AGMO: variants seen among roughly 807,000 people sequenced by gnomAD.
AGMO encodes glyceryl-ether monooxygenase.
In AGMO, 75 loss-of-function variants were observed where a neutral mutation model predicts 60.2. The ratio of observed to expected loss-of-function variants is 1.25; its 90% confidence interval spans 1.03 to 1.51. AGMO has a LOEUF of 1.51. AGMO is among the 40% of genes most tolerant of loss of function. The pLI, the probability that AGMO is intolerant of heterozygous loss-of-function variation, is 0.00. For missense variants in AGMO, 763 were observed against 525.5 expected (o/e 1.45, Z -4.42); for synonymous variants, 261 against 177.1 (o/e 1.47, Z -3.76).
chr7:15,431,522 G>A (rs565286427), intron 3 of AGMO, among the ~76,000 whole-genome samples: 2 of 151,884 alleles, frequency 1.3e-5, no homozygotes, highest in East Asian at 3.9e-4. Flanking sequence ...AAAATTGTCT[G>A]ATGGGAGAAA....
chr7:15,461,624 G>T (rs1345548880), intron 3 of AGMO, among the ~76,000 whole-genome samples: 1 of 152,040 alleles, frequency 6.6e-6, no homozygotes, highest in Non-Finnish European at 1.5e-5. Context: ...CCGATCTGCT[G>T]GTCTCTCTAG....
chr7:15,394,274 G>A, intron 5 of AGMO, 95 bp from the exon 6 acceptor site: 1 of 966,714 alleles, frequency 1.0e-6, no homozygotes, highest in Non-Finnish European at 1.6e-6. Context: ...TAAATTAAGA[G>A]ATATTGCGAA....
chr7:15,387,289 T>A (rs1192446402), intron 9 of AGMO, 117 bp downstream of exon 9: 26 of 1,227,760 alleles, frequency 2.1e-5, no homozygotes, highest in Non-Finnish European at 3.0e-5. Flanking sequence ...GGACTGCATC[T>A]GACTGGGGGA....
chr7:15,351,555 C>T (rs1420095932), intron 12 of AGMO, among the ~76,000 whole-genome samples: 4 of 152,180 alleles, frequency 2.6e-5, no homozygotes, highest in African/African-American at 4.8e-5. Context: ...ATATCATGTG[C>T]GTATCATGTA....
At chr7:15,186,074 T>C in the AGMO span, among the ~76,000 whole-genome samples, 1 of 152,284 alleles carries the variant, frequency 6.6e-6, no homozygotes, top group African/African-American at 2.4e-5. Context: ...ACATAAATAT[T>C]CTTGTCACTC....
intron 12 of AGMO, among the ~76,000 whole-genome samples, chr7:15,239,313 T>G (rs1428879847): frequency 1.3e-5 from 2 of 152,134 alleles, no homozygotes; most frequent in Non-Finnish European, 2.9e-5. Flanking sequence ...GCAAAGGATT[T>G]AAAACTTAGG....
intron 3 of AGMO, among the ~76,000 whole-genome samples, chr7:15,499,608 A>G (rs1032380321): frequency 1.3e-5 from 2 of 151,782 alleles, no homozygotes; most frequent in African/African-American, 4.8e-5. Flanking sequence ...AAAACCACAT[A>G]TTCATTTCCC....
chr7:15,288,777 G>C (rs11769107), intron 12 of AGMO, among the ~76,000 whole-genome samples: 1 of 141,622 alleles, frequency 7.1e-6, no homozygotes, highest in African/African-American at 2.6e-5. Context: ...AAAAAAAAAA[G>C]AAAGAAAAAC....
chr7:15,137,038 G>A, the AGMO span, among the ~76,000 whole-genome samples: 1 of 152,170 alleles, frequency 6.6e-6, no homozygotes, highest in Non-Finnish European at 1.5e-5. Flanking sequence ...AGATTCTCTG[G>A]TTTTGCATGT....
chr7:15,535,625 A>G (rs1464894792), intron 3 of AGMO, among the ~76,000 whole-genome samples: 1 of 151,840 alleles, frequency 6.6e-6, no homozygotes. Flanking sequence ...TAAGCACCCA[A>G]AGGGTAACAA....
At chr7:15,154,042 G>C in the AGMO span, among the ~76,000 whole-genome samples, 3 of 152,134 alleles carry the variant, frequency 2.0e-5, no homozygotes, top group Admixed American at 2.0e-4. Flanking sequence ...AATCAAACAA[G>C]AGAAATAAAT....
At chr7:15,547,685 A>G (rs1036337187) in intron 2 of AGMO, among the ~76,000 whole-genome samples, 8 of 151,966 alleles carry the variant, frequency 5.3e-5, no homozygotes, top group Non-Finnish European at 1.0e-4. Flanking sequence ...AGTCTCGCTG[A>G]TTGCTAGCAC....
chr7:15,389,968 G>C (rs1784071319), intron 8 of AGMO, among the ~76,000 whole-genome samples: 1 of 152,116 alleles, frequency 6.6e-6, no homozygotes, highest in South Asian at 2.1e-4. Flanking sequence ...ACCGAATGTT[G>C]TAACCAGTCC....
chr7:15,534,376 T>A (rs958215905), intron 3 of AGMO, among the ~76,000 whole-genome samples: 1 of 152,018 alleles, frequency 6.6e-6, no homozygotes, highest in Non-Finnish European at 1.5e-5. Context: ...AAAAAGGGAA[T>A]ACGGATAAGT....
intron 12 of AGMO, among the ~76,000 whole-genome samples, chr7:15,224,913 A>AAT (rs1284573526): frequency 4.6e-5 from 7 of 152,076 alleles, no homozygotes; most frequent in African/African-American, 1.7e-4. Flanking sequence ...TCAAATTTTT[A>AAT]ATTTTTTAAC....
chr7:15,244,637 T>G (rs536708051), intron 12 of AGMO, among the ~76,000 whole-genome samples: 22 of 151,472 alleles, frequency 1.5e-4, no homozygotes, highest in Admixed American at 6.6e-4. Context: ...TCATTCTTTT[T>G]TTTGTTTGTT....
chr7:15,557,877 C>G (rs148759586), intron 2 of AGMO, among the ~76,000 whole-genome samples: 11 of 152,070 alleles, frequency 7.2e-5, no homozygotes, highest in African/African-American at 2.6e-4. Context: ...ACCTTTCTCT[C>G]AAAGGGCACC....
At chr7:15,382,650 A>AT (rs1174646770) in intron 10 of AGMO, among the ~76,000 whole-genome samples, 1 of 152,184 alleles carries the variant, frequency 6.6e-6, no homozygotes, top group Non-Finnish European at 1.5e-5. Flanking sequence ...TGATAACAAA[A>AT]TCCAAAGGAA....
At chr7:15,253,779 G>A (rs982608249) in intron 12 of AGMO, among the ~76,000 whole-genome samples, 1 of 152,110 alleles carries the variant, frequency 6.6e-6, no homozygotes, top group Non-Finnish European at 1.5e-5. Context: ...CTGTGCAATA[G>A]AGTACCAGAA....
Sources: gnomAD v4.1 joint callset for allele counts (sites outside exome capture counted in the v4.1 genomes callset) on GRCh38, gnomAD v4.1.1 for gene constraint, MANE v1.5 for transcripts, NCBI Gene and HGNC (gene_info 2026-07-23, HGNC 2026-07-21) for gene names.